The following CC2D2B variants were observed in gnomAD, a reference collection of about 807,000 sequenced individuals.
CC2D2B encodes the protein coiled-coil and C2 domain containing 2B.
Under a neutral mutation model 161.2 loss-of-function variants are expected in CC2D2B, and 128 were observed. The observed-to-expected ratio is 0.79, with a 90% confidence interval of 0.69 to 0.92. The LOEUF (loss-of-function observed/expected upper bound fraction) is 0.92. Among genes scored for constraint, CC2D2B ranks in the 40% least tolerant of loss-of-function variants. The pLI is 0.00. For missense variants in CC2D2B, 1,173 were observed against 1,375.1 expected (o/e 0.85, Z 2.32); for synonymous variants, 391 against 449.8 (o/e 0.87, Z 1.65).
intron 11 of CC2D2B, 45 bp from the exon 12 acceptor site, chr10:95,961,784 G>T: frequency 8.4e-7 from 1 of 1,183,608 alleles, no homozygotes; most frequent in Non-Finnish European, 1.1e-6. Flanking sequence ...AAGGCTTTTA[G>T]TTCTAATCCA....
rs1215317795 is a variant in CC2D2B at position 95,991,383 on chromosome 10, TAATG to T, written c.2396_2399del (p.Met799ArgfsTer15). The T allele has an allele frequency of 2.7e-6, 3 of 1,098,920 alleles. No individual in the cohort carries two copies. The highest frequency in any genetic ancestry group is 3.5e-6 in the Non-Finnish European group (3 of 866,218). 68.1% of individuals were successfully genotyped at this position (1,098,920 alleles called of 1,614,324 possible). On this transcript the variant is annotated frameshift_variant, in exon 21 of 35. Transcript: ENST00000646931. LOFTEE classifies it high-confidence loss of function. ...AATTTTTTTTAGGTGAGAAGGTTGA[TAATG>T]AAGAGAATTGTTAAAATTAGCAAAT...
At chr10:96,011,494 A>G (rs2141854379) in intron 26 of CC2D2B, among the ~76,000 whole-genome samples, 1 of 152,298 alleles carries the variant, frequency 6.6e-6, no homozygotes, top group Middle Eastern at 3.4e-3. Context: ...TACGATCTAT[A>G]TCAAGCACTT....
At chr10:96,028,508 C>G (rs531147354) in intron 34 of CC2D2B, among the ~76,000 whole-genome samples, 1 of 152,028 alleles carries the variant, frequency 6.6e-6, no homozygotes, top group East Asian at 1.9e-4. Flanking sequence ...AAAAGGAAAC[C>G]TTTGTACACC....
At chr10:96,022,992 T>C (rs1455410196) in intron 32 of CC2D2B, among the ~76,000 whole-genome samples, 1 of 152,184 alleles carries the variant, frequency 6.6e-6, no homozygotes, top group African/African-American at 2.4e-5. Context: ...GAACAGCGAA[T>C]GGGAAGACCT....
At chr10:95,973,613 C>T (rs2077213500) in intron 16 of CC2D2B, among the ~76,000 whole-genome samples, 1 of 152,092 alleles carries the variant, frequency 6.6e-6, no homozygotes, top group East Asian at 1.9e-4. Flanking sequence ...AATCCTAGCA[C>T]TTTGGGAGGC....
intron 34 of CC2D2B, among the ~76,000 whole-genome samples, 171 bp from the exon 35 acceptor site, chr10:96,031,649 T>C (rs2080071453): frequency 6.6e-6 from 1 of 152,212 alleles, no homozygotes; most frequent in Admixed American, 6.5e-5. Context: ...GGATTAAATA[T>C]GTATGTGAAG....
At chr10:95,988,169 G>T (rs2077805611) in intron 19 of CC2D2B, 81 bp from the exon 20 acceptor site, 1 of 455,288 alleles carries the variant, frequency 2.2e-6, no homozygotes. Context: ...GGACTGAAGT[G>T]ACTAGTGATA....
chr10:95,993,974 A>G (rs368738459), intron 22 of CC2D2B, among the ~76,000 whole-genome samples: 3 of 77,108 alleles, frequency 3.9e-5, no homozygotes, highest in African/African-American at 1.4e-4. Context: ...ATATATATAT[A>G]TATATATATA....
intron 6 of CC2D2B, among the ~76,000 whole-genome samples, chr10:95,936,206 T>A (rs777395956): frequency 3.3e-5 from 5 of 152,158 alleles, no homozygotes; most frequent in Non-Finnish European, 7.3e-5. Context: ...AATGGGCTTC[T>A]TGGGTATGAG....
chr10:95,921,756 A>G (rs1250641692), intron 2 of CC2D2B, among the ~76,000 whole-genome samples: 3 of 148,596 alleles, frequency 2.0e-5, no homozygotes, highest in Non-Finnish European at 3.0e-5. Context: ...ACGAGAACAC[A>G]TAGACATGGG....
chr10:96,013,546 C>A (rs1251171561), intron 28 of CC2D2B, among the ~76,000 whole-genome samples: 2 of 151,100 alleles, frequency 1.3e-5, no homozygotes, highest in African/African-American at 4.9e-5. Context: ...TTACATGCAC[C>A]CTGTGCAGTC....
intron 6 of CC2D2B, among the ~76,000 whole-genome samples, chr10:95,934,324 G>T (rs991630691): frequency 6.6e-6 from 1 of 152,104 alleles, no homozygotes; most frequent in Non-Finnish European, 1.5e-5. Flanking sequence ...GCTCCGTCGG[G>T]GTGGGATCCA....
chr10:95,980,704 C>T (rs1414915), intron 17 of CC2D2B, among the ~76,000 whole-genome samples: 46,785 of 151,998 alleles, frequency 0.31, 7,618 homozygotes, highest in Admixed American at 0.43. Flanking sequence ...CCATACCACA[C>T]ATTGGCTTTT....
rs375030961 is a variant in CC2D2B at position 96,032,101 on chromosome 10, A to C, written c.*93A>C. 21 of 959,358 alleles carry C rather than the reference A, an allele frequency of 2.2e-5. No individual in the cohort carries two copies. The East Asian group carries it at 3.7e-4, about 17-fold the overall frequency. 59.4% of individuals were successfully genotyped at this position (959,358 alleles called of 1,614,324 possible). On this transcript the variant is annotated 3_prime_UTR_variant, in exon 35 of 35. Coordinates refer to ENST00000646931, the MANE Select transcript of CC2D2B (RefSeq NM_001349008.3). ...CCTTGAGATTTTGCTGTTTATTCTC[A>C]AGTCCAGCTAAGTGCTGGGCCCAAT...
intron 6 of CC2D2B, among the ~76,000 whole-genome samples, chr10:95,931,771 A>C (rs1035023949): frequency 1.3e-5 from 2 of 152,080 alleles, no homozygotes; most frequent in African/African-American, 4.8e-5. Flanking sequence ...ATTCTTTTGC[A>C]TTTGCTGAGG....
rs545839066 is a variant in CC2D2B at position 95,991,648 on chromosome 10, G to T, written c.2471+187G>T. 2.6e-5 allele frequency among the ~76,000 whole-genome samples: 4 copies of T among 152,206 alleles called. No individual in the cohort carries two copies. In the South Asian group the frequency reaches 8.3e-4, roughly 32 times the overall value. On this transcript the variant is annotated intron_variant, in intron 21 of 34. Coordinates refer to ENST00000646931, the MANE Select transcript of CC2D2B (RefSeq NM_001349008.3). ...AAGTTGCATTTTGGGATCTCTACAT[G>T]ATATATTTTCAATTATATAGTATTT...
At chr10:95,926,832 G>GTGTGTGTC (rs1404576677) in intron 5 of CC2D2B, among the ~76,000 whole-genome samples, 10 of 136,740 alleles carry the variant, frequency 7.3e-5, no homozygotes, top group African/African-American at 2.3e-4. Flanking sequence ...GTGTGTGTGT[G>GTGTGTGTC]TGTGTGTGTG....
intron 11 of CC2D2B, among the ~76,000 whole-genome samples, chr10:95,958,202 CA>C (rs1286253804): frequency 6.6e-5 from 10 of 151,978 alleles, no homozygotes; most frequent in Admixed American, 6.6e-4. Flanking sequence ...CATGCATAAA[CA>C]AAATAGGCCG....
At chr10:95,995,622 T>A (rs193187933) in intron 23 of CC2D2B, among the ~76,000 whole-genome samples, 6 of 152,354 alleles carry the variant, frequency 3.9e-5, no homozygotes, top group Non-Finnish European at 7.3e-5. Context: ...ATCAGCCTCA[T>A]CTCTTTCTAT....
Sources: allele counts gnomAD v4.1 joint callset (sites outside exome capture counted in the v4.1 genomes callset), GRCh38; gene constraint gnomAD v4.1.1; transcripts MANE v1.5; gene names NCBI Gene and HGNC (gene_info 2026-07-23, HGNC 2026-07-21).